The following KCNQ1 variants were observed in gnomAD, a reference collection of about 807,000 sequenced individuals.
KCNQ1 encodes the protein potassium voltage-gated channel subfamily Q member 1.
In KCNQ1, 49 loss-of-function variants were observed where a neutral mutation model predicts 72.4. The ratio of observed to expected loss-of-function variants is 0.68; its 90% CI spans 0.54 to 0.86. The LOEUF (loss-of-function observed/expected upper bound fraction) is 0.86, where lower values mean the gene tolerates loss of function less well. Among genes scored for constraint, KCNQ1 ranks in the 40% least tolerant of loss-of-function variants. The pLI is 0.00. For synonymous variants in KCNQ1, 450 were observed against 412.6 expected, an observed-to-expected ratio of 1.09 and a Z score of -1.10; for missense variants, 790 against 945.1, an observed-to-expected ratio of 0.84 and a Z score of 2.15.
At chr11:2,730,226 G>A (rs1406857200) in intron 11 of KCNQ1, among the ~76,000 whole-genome samples, 1 of 152,212 alleles carries the variant, frequency 6.6e-6, no homozygotes, top group Non-Finnish European at 1.5e-5. Flanking sequence ...GGACCAGGAG[G>A]GCGAGGAGGA....
intron 11 of KCNQ1, among the ~76,000 whole-genome samples, chr11:2,706,545 G>T (rs1850914606): frequency 6.6e-6 from 1 of 152,246 alleles, no homozygotes; most frequent in Non-Finnish European, 1.5e-5. Flanking sequence ...AATGTGGGCT[G>T]CTTTAGGAAT....
chr11:2,839,910 T>C (rs953065686), intron 15 of KCNQ1: 1 of 152,138 alleles, frequency 6.6e-6, no homozygotes, highest in Non-Finnish European at 1.5e-5. Flanking sequence ...TGGCTCCCAG[T>C]ATCAAAGCAT....
chr11:2,672,536 G>T (rs1015490369), intron 11 of KCNQ1: 1 of 398,558 alleles, frequency 2.5e-6, no homozygotes, highest in Non-Finnish European at 4.4e-6. Flanking sequence ...TTACCAGCCT[G>T]TCTTCCACAT....
At chr11:2,693,805 C>T in intron 11 of KCNQ1, 1 of 398,840 alleles carries the variant, frequency 2.5e-6, no homozygotes, top group South Asian at 1.3e-4. Context: ...ATGGCACAGG[C>T]TGATAAAGGC....
At position 2,723,336 on chromosome 11, in the gene KCNQ1, C is replaced by A. The variant is rs1158567416; in HGVS notation, c.1515-45508C>A. Among the ~76,000 whole-genome samples the A allele has an allele frequency of 6.6e-6, 1 of 152,200 alleles. No individual in the cohort carries two copies. The highest frequency in any genetic ancestry group is 1.5e-5 in the Non-Finnish European group (1 of 68,022). On this transcript the variant is annotated intron_variant, in intron 11 of 15. Transcript: ENST00000155840. The surrounding 1 kb of genome is among the most constrained non-coding windows in gnomAD (Gnocchi z 4.2). ...CGCAGCCTCCCCCGGGACACTGCAA[C>A]CCTCAAGACTCCTAGCAAGCCCCTC...
intron 10 of KCNQ1, chr11:2,625,824 C>T: frequency 2.5e-6 from 1 of 398,560 alleles, no homozygotes; most frequent in Non-Finnish European, 4.4e-6. Flanking sequence ...CCGCCTCAGC[C>T]TCCCAAAGTA....
intron 15 of KCNQ1, among the ~76,000 whole-genome samples, chr11:2,847,417 C>A (rs1009913060): frequency 2.0e-5 from 3 of 152,212 alleles, no homozygotes; most frequent in African/African-American, 4.8e-5. Flanking sequence ...CTGGTGCAGA[C>A]CCTGCCATGC....
Position 2,720,428 on chromosome 11 carries a change from G to T in KCNQ1, c.1515-48416G>T, listed in dbSNP as rs1851183277. Among the ~76,000 whole-genome samples, 1 of 152,172 alleles carries T rather than the reference G, an allele frequency of 6.6e-6. No homozygotes were observed. The highest frequency in any genetic ancestry group is 2.4e-5 in the African/African-American group (1 of 41,444). ...CCTGCCTGGGGACAGCTGAAGGCCA[G>T]GAGGAAGCTGCTGGCCTCAAGAAGG... On this transcript the variant is annotated intron_variant, in intron 11 of 15. Coordinates refer to ENST00000155840, the MANE Select transcript of KCNQ1 (RefSeq NM_000218.3). The surrounding 1 kb of genome is among the most constrained non-coding windows in gnomAD (Gnocchi z 5.1).
rs1264362892 is a variant in KCNQ1 at position 2,645,958 on chromosome 11, G to C, written c.1394-16003G>C. The C allele has an allele frequency of 2.5e-6, 1 of 398,652 alleles. No individual in the cohort carries two copies. The highest frequency in any genetic ancestry group is 4.4e-6 in the Non-Finnish European group (1 of 226,090). 24.7% of individuals were successfully genotyped at this position (398,652 alleles called of 1,614,324 possible). ...TTAGTCTCAAGGCATCTATGGGTCAGGGGGTTCTCTGACTAGGATTTCAGG... is the reference window on the plus strand; with the variant it reads ...TTAGTCTCAAGGCATCTATGGGTCACGGGGTTCTCTGACTAGGATTTCAGG... On this transcript the variant is annotated intron_variant, in intron 10 of 15. Coordinates refer to ENST00000155840, the MANE Select transcript of KCNQ1 (RefSeq NM_000218.3). This position sits in a 1 kb window ranked among gnomAD's most constrained non-coding sequence, Gnocchi z 5.8.
intron 10 of KCNQ1, among the ~76,000 whole-genome samples, chr11:2,604,164 T>TGG (rs1203424987): frequency 6.6e-6 from 1 of 152,132 alleles, no homozygotes; most frequent in Non-Finnish European, 1.5e-5. Context: ...TGTGTTTTCA[T>TGG]ATCTCCTGGG....
rs199473456 is a variant in KCNQ1 at position 2,571,394 on chromosome 11, C to T, written c.674C>T (p.Ser225Leu). 3.1e-6 allele frequency: 5 copies of T among 1,611,480 alleles called. No individual in the cohort carries two copies. Among genetic ancestry groups the T allele is most frequent in the South Asian group, 1.1e-5 (1 of 91,080 alleles). Residue 225 changes from serine (S) to leucine (L), a missense_variant, in exon 4 of 16, where the codon TCG (serine) becomes TTG (leucine). Ser to Leu is a moderately radical substitution (Grantham distance 145). Coordinates refer to ENST00000155840, the MANE Select transcript of KCNQ1 (RefSeq NM_000218.3). ...VGSKGQVFAT[S>L]AIRGIRFLQI... Reference sequence around the variant, plus strand: ...TCCAAGGGGCAGGTGTTTGCCACGTCGGCCATCAGGTGCGTCTGTGCCACA... The same window carrying T: ...TCCAAGGGGCAGGTGTTTGCCACGTTGGCCATCAGGTGCGTCTGTGCCACA...
At chr11:2,833,899 G>A (rs756815914) in intron 15 of KCNQ1, among the ~76,000 whole-genome samples, 59 of 152,214 alleles carry the variant, frequency 3.9e-4, no homozygotes, top group Non-Finnish European at 7.1e-4. Context: ...TGTCCAGATG[G>A]GGCTGGAGCC....
At chr11:2,618,542 C>G (rs183745326) in intron 10 of KCNQ1, 1 of 398,524 alleles carries the variant, frequency 2.5e-6, no homozygotes, top group Non-Finnish European at 4.4e-6. Context: ...GCTCTCTATT[C>G]TGTTCCACTG....
rs537185763 is a variant in KCNQ1 at position 2,683,581 on chromosome 11, G to A, written c.1514+21500G>A. 7.1e-4 allele frequency: 285 copies of A among 398,620 alleles called. 1 individual carries two copies. The highest frequency in any genetic ancestry group is 3.1e-3 in the Middle Eastern group (5 of 1,588). 24.7% of individuals were successfully genotyped at this position (398,620 alleles called of 1,614,324 possible). A position where few individuals can be genotyped will look rare whatever the true frequency, so the allele number is the denominator to read the frequency against. ...CCTACTGACTGGCATCACAAACACT[G>A]CCCTGAAATGCCAACTCATTTCAAA... On this transcript the variant is annotated intron_variant, in intron 11 of 15. Transcript: ENST00000155840. This position sits in a 1 kb window ranked among gnomAD's most constrained non-coding sequence, Gnocchi z 4.7.
intron 11 of KCNQ1, among the ~76,000 whole-genome samples, chr11:2,716,776 G>A (rs540673491): frequency 1.3e-5 from 2 of 152,336 alleles, no homozygotes; most frequent in Admixed American, 6.5e-5. Flanking sequence ...CATTGAACAG[G>A]CCAGGAGCAC....
In KCNQ1 at chr11:2,659,143, T is replaced by C. The variant is rs1456800002; in HGVS notation, c.1394-2818T>C. 1 of 398,622 alleles carries C rather than the reference T, an allele frequency of 2.5e-6. No individual in the cohort carries two copies. The highest frequency in any genetic ancestry group is 4.4e-6 in the Non-Finnish European group (1 of 226,058). 24.7% of individuals were successfully genotyped at this position (398,622 alleles called of 1,614,324 possible). A position where few individuals can be genotyped will look rare whatever the true frequency, so the allele number is the denominator to read the frequency against. The stretch of plus-strand genomic sequence containing the variant: ...AATTTGCATACAGTAAAATCCACTC[T>C]TTGAGATTCAGTTCTGTGGGTTTTG... On this transcript the variant is annotated intron_variant, in intron 10 of 15. Transcript: ENST00000155840. The surrounding 1 kb of genome is among the most constrained non-coding windows in gnomAD (Gnocchi z 4.3).
At position 2,762,713 on chromosome 11, in the gene KCNQ1, C is replaced by T. The variant is rs182826966; in HGVS notation, c.1515-6131C>T. Among the ~76,000 whole-genome samples, 1 of 152,350 alleles carries T rather than the reference C, an allele frequency of 6.6e-6. No homozygotes were observed. Among genetic ancestry groups the T allele is most frequent in the African/African-American group, 2.4e-5 (1 of 41,590 alleles). On this transcript the variant is annotated intron_variant, in intron 11 of 15. Transcript: ENST00000155840. This position sits in a 1 kb window ranked among gnomAD's most constrained non-coding sequence, Gnocchi z 4.3. ...AGGAGCGCGAACCCTGTTGTGAATGCACATGTGAGGGGTCTAGGCTGTGTA... is the reference window on the plus strand; with the variant it reads ...AGGAGCGCGAACCCTGTTGTGAATGTACATGTGAGGGGTCTAGGCTGTGTA...
Position 2,516,724 on chromosome 11 carries a change from C to T in KCNQ1, c.387-11204C>T, listed in dbSNP as rs964874353. Among the ~76,000 whole-genome samples the T allele has an allele frequency of 1.3e-5, 2 of 152,170 alleles. No individual in the cohort carries two copies. The highest frequency in any genetic ancestry group is 4.8e-5 in the African/African-American group (2 of 41,420). On this transcript the variant is annotated intron_variant, in intron 1 of 15. Transcript: ENST00000155840. The surrounding 1 kb of genome is among the most constrained non-coding windows in gnomAD (Gnocchi z 7.0). Reference sequence around the variant, plus strand: ...TTTTGTCGATAAAGTTTTATTAGGACACAGCCATGCCCGGCCGAATATTGC... The same window carrying T: ...TTTTGTCGATAAAGTTTTATTAGGATACAGCCATGCCCGGCCGAATATTGC...
At chr11:2,702,137 C>T (rs55786794) in intron 11 of KCNQ1, among the ~76,000 whole-genome samples, 14,686 of 152,280 alleles carry the variant, frequency 0.096, 801 homozygotes, top group African/African-American at 0.12. Flanking sequence ...TCCATTTCTA[C>T]CTCCCCAGGA....
Sources: gnomAD v4.1 joint callset for allele counts (sites outside exome capture counted in the v4.1 genomes callset) on GRCh38, gnomAD v4.1.1 for gene constraint, Gnocchi (gnomAD v3.1) non-coding constraint, MANE v1.5 for transcripts, NCBI Gene and HGNC (gene_info 2026-07-23, HGNC 2026-07-21) for gene names.